RBFOX3: variants seen among roughly 807,000 people sequenced by gnomAD.
RBFOX3 encodes the protein RNA binding fox-1 homolog 3.
Under a neutral mutation model 48.7 loss-of-function variants are expected in RBFOX3, and 17 were observed. The observed-to-expected ratio is 0.35, with a 90% CI of 0.24 to 0.52. The LOEUF (loss-of-function observed/expected upper bound fraction) is 0.52, where lower values mean the gene tolerates loss of function less well. RBFOX3 is among the 20% of genes least tolerant of loss of function. The pLI is 0.94. For missense variants in RBFOX3, 382 were observed against 497.5 expected (o/e 0.77, Z 2.21); for synonymous variants, 212 against 209.5 (o/e 1.01, Z -0.10).
chr17:79,504,620 T>C (rs957570689), intron 1 of RBFOX3, among the ~76,000 whole-genome samples: 20 of 152,186 alleles, frequency 1.3e-4, no homozygotes, highest in Non-Finnish European at 2.4e-4. Flanking sequence ...TCTGCTTCTG[T>C]GGTCACATGG....
chr17:79,653,515 G>A, the RBFOX3 span, among the ~76,000 whole-genome samples: 102,297 of 152,120 alleles, frequency 0.67, 37,878 homozygotes, highest in Non-Finnish European at 0.83. Context: ...GAAGATTGAG[G>A]TTTCATTGTT....
At chr17:79,501,158 T>C (rs199994577) in intron 1 of RBFOX3, among the ~76,000 whole-genome samples, 34,754 of 152,142 alleles carry the variant, frequency 0.23, 4,287 homozygotes, top group Non-Finnish European at 0.28. Context: ...AAAACTAAAA[T>C]TGGGTCAAAC....
In RBFOX3 at chr17:79,297,280, ATCCAGCC is replaced by A. The variant is rs1235488771; in HGVS notation, c.-74+10437_-74+10443del. On this transcript the variant is annotated intron_variant, in intron 3 of 14. Transcript: ENST00000693108. ...GTGCTCCTTCCATGGGCCCCTTGGG[ATCCAGCC>A]TCCCAGGCAGGCTTATCTATGGCCA... Among the ~76,000 whole-genome samples the A allele has an allele frequency of 1.1e-4, 17 of 152,232 alleles. No homozygotes were observed. In the East Asian group the frequency reaches 3.3e-3, roughly 30 times the overall value.
chr17:79,215,136 T>C lies in RBFOX3; in HGVS notation c.-34+20630A>G, dbSNP rs544788372. Among the ~76,000 whole-genome samples the C allele has an allele frequency of 9.7e-4, 148 of 152,204 alleles. 1 individual carries two copies. Among genetic ancestry groups the C allele is most frequent in the African/African-American group, 3.4e-3 (141 of 41,544 alleles). Reference sequence around the variant, plus strand: ...GCCATCTTCCTGTGCCATCTGTTTGTCCCATCGGGTTGGCTCTGGGGGAAG... The same window carrying C: ...GCCATCTTCCTGTGCCATCTGTTTGCCCCATCGGGTTGGCTCTGGGGGAAG... On this transcript the variant is annotated intron_variant, in intron 4 of 14. Coordinates refer to ENST00000693108, the MANE Select transcript of RBFOX3 (RefSeq NM_001350451.2).
At chr17:79,186,244 T>G (rs773008893) in intron 4 of RBFOX3, among the ~76,000 whole-genome samples, 1 of 152,220 alleles carries the variant, frequency 6.6e-6, no homozygotes, top group Non-Finnish European at 1.5e-5. Flanking sequence ...GGACTGAGAA[T>G]AGCAGAATGG....
At chr17:79,240,220 C>G (rs1037193641) in intron 3 of RBFOX3, among the ~76,000 whole-genome samples, 1 of 152,178 alleles carries the variant, frequency 6.6e-6, no homozygotes, top group Non-Finnish European at 1.5e-5. Flanking sequence ...GCTTGTGTGG[C>G]CCTTGAAATG....
chr17:79,602,618 C>T (rs1288403526), intron 1 of RBFOX3, among the ~76,000 whole-genome samples: 1 of 152,228 alleles, frequency 6.6e-6, no homozygotes, highest in African/African-American at 2.4e-5. Flanking sequence ...AATGGCATGA[C>T]ATCAATGATA....
At chr17:79,215,532 G>T (rs949428973) in intron 4 of RBFOX3, among the ~76,000 whole-genome samples, 4 of 152,146 alleles carry the variant, frequency 2.6e-5, no homozygotes, top group African/African-American at 9.7e-5. Flanking sequence ...GGGCACTGCT[G>T]ACCGACCACT....
rs114358377 is a variant in RBFOX3 at position 79,430,873 on chromosome 17, G to T, written c.-175+51581C>A. Among the ~76,000 whole-genome samples, 785 of 152,264 alleles carry T rather than the reference G, an allele frequency of 5.2e-3. 13 individuals carry two copies. The highest frequency in any genetic ancestry group is 0.018 in the African/African-American group (747 of 41,538). The stretch of plus-strand genomic sequence containing the variant: ...GCTCAGCAAATATTGTTTCTTATCT[G>T]CCAAAAGACTGTCATAAGATCACTG... On this transcript the variant is annotated intron_variant, in intron 2 of 14. Transcript: ENST00000693108.
At chr17:79,410,746 G>T (rs1318697588) in intron 2 of RBFOX3, among the ~76,000 whole-genome samples, 3 of 152,144 alleles carry the variant, frequency 2.0e-5, no homozygotes, top group Non-Finnish European at 4.4e-5. Flanking sequence ...GCACATGCAC[G>T]CCCAGGTCAG....
At chr17:79,138,727 A>T (rs2041038652) in intron 4 of RBFOX3, among the ~76,000 whole-genome samples, 1 of 49,374 alleles carries the variant, frequency 2.0e-5, no homozygotes, top group Non-Finnish European at 4.1e-5. Context: ...TCACCCACAC[A>T]CGCATGCACA....
chr17:79,396,194 C>T (rs1279649553), intron 2 of RBFOX3, among the ~76,000 whole-genome samples: 6 of 152,346 alleles, frequency 3.9e-5, no homozygotes, highest in South Asian at 2.1e-4. Context: ...ACCTTGGCTG[C>T]CTGGACCTCC....
rs150797347 is a variant in RBFOX3 at position 79,138,433 on chromosome 17, A to G, written c.-33-22685T>C. ...GTGAACACTCACTCCACACTCTCAC[A>G]CTGTGAACACTCACTCCCAAGCTCA... On this transcript the variant is annotated intron_variant, in intron 4 of 14. Transcript: ENST00000693108. Among the ~76,000 whole-genome samples, 719 of 152,048 alleles carry G rather than the reference A, an allele frequency of 4.7e-3. 1 individual carries two copies. Among genetic ancestry groups the G allele is most frequent in the Non-Finnish European group, 7.9e-3 (539 of 67,948 alleles).
chr17:79,352,779 G>A (rs570573098), intron 2 of RBFOX3, among the ~76,000 whole-genome samples: 12 of 152,338 alleles, frequency 7.9e-5, no homozygotes, highest in African/African-American at 2.4e-4. Flanking sequence ...TGACCTCACA[G>A]TGTCAGGTCA....
At chr17:79,538,918 G>A (rs559816170) in intron 1 of RBFOX3, among the ~76,000 whole-genome samples, 1 of 152,240 alleles carries the variant, frequency 6.6e-6, no homozygotes, top group African/African-American at 2.4e-5. Flanking sequence ...TGGAAACACG[G>A]ACAAAGCATG....
intron 4 of RBFOX3, among the ~76,000 whole-genome samples, chr17:79,138,809 ATGCGTTCACACCCCCTCACCCACACACAT>A (rs2041124092): frequency 3.6e-5 from 4 of 110,426 alleles, no homozygotes; most frequent in East Asian, 5.8e-4. Context: ...ACCCACACAC[ATGCGTTCACACCCCCTCACCCACACACAT>A]GCACACAGCA....
At chr17:79,202,078 A>G (rs937328845) in intron 4 of RBFOX3, among the ~76,000 whole-genome samples, 1 of 152,154 alleles carries the variant, frequency 6.6e-6, no homozygotes, top group Non-Finnish European at 1.5e-5. Flanking sequence ...TACCAGGAGA[A>G]TGACCTCGGT....
chr17:79,520,197 G>A (rs955263360), intron 1 of RBFOX3, among the ~76,000 whole-genome samples: 20 of 152,350 alleles, frequency 1.3e-4, no homozygotes, highest in African/African-American at 4.1e-4. Flanking sequence ...GGGGCTCACC[G>A]GGCAATGTGT....
Position 79,249,020 on chromosome 17 carries a change from G to A in RBFOX3, c.-73-13215C>T, listed in dbSNP as rs1054888265. Among the ~76,000 whole-genome samples the A allele has an allele frequency of 2.0e-4, 31 of 152,300 alleles. No individual in the cohort carries two copies. Among genetic ancestry groups the A allele is most frequent in the African/African-American group, 6.3e-4 (26 of 41,566 alleles). Reference sequence around the variant, plus strand: ...GACCTGCCTCCATCGGCTGGGATGCGGTGCGGTCTTCCGCCAGCGGGGCCA... The same window carrying A: ...GACCTGCCTCCATCGGCTGGGATGCAGTGCGGTCTTCCGCCAGCGGGGCCA... On this transcript the variant is annotated intron_variant, in intron 3 of 14. Coordinates refer to ENST00000693108, the MANE Select transcript of RBFOX3 (RefSeq NM_001350451.2). The surrounding 1 kb of genome is among the most constrained non-coding windows in gnomAD (Gnocchi z 4.1).
Sources: allele counts gnomAD v4.1 joint callset (sites outside exome capture counted in the v4.1 genomes callset), GRCh38; gene constraint gnomAD v4.1.1; non-coding constraint Gnocchi (gnomAD v3.1); transcripts MANE v1.5; gene names NCBI Gene and HGNC (gene_info 2026-07-23, HGNC 2026-07-21).